CSNK2A2IP: variants seen among roughly 807,000 people sequenced by gnomAD.
CSNK2A2IP encodes casein kinase 2 subunit alpha' interacting protein.
At chr3:88,380,842 A>G in the CSNK2A2IP span, among the ~76,000 whole-genome samples, 3 of 152,234 alleles carry the variant, frequency 2.0e-5, no homozygotes, top group East Asian at 5.8e-4. Flanking sequence ...TAGGAGGCAA[A>G]TCATTCATAG....
At chr3:88,409,569 A>G in the CSNK2A2IP span, among the ~76,000 whole-genome samples, 1 of 151,756 alleles carries the variant, frequency 6.6e-6, no homozygotes. Context: ...GAATCAAATT[A>G]TAGAGAGTGA....
At chr3:88,397,157 C>A in the CSNK2A2IP span, among the ~76,000 whole-genome samples, 5 of 152,098 alleles carry the variant, frequency 3.3e-5, no homozygotes, top group Non-Finnish European at 7.4e-5. Context: ...CAGGTGAAAT[C>A]TTAGGTGAAG....
the CSNK2A2IP span, among the ~76,000 whole-genome samples, chr3:88,457,356 C>CT: frequency 3.1e-3 from 462 of 151,090 alleles, 1 homozygote; most frequent in African/African-American, 0.01. Flanking sequence ...TTTGGCTTAC[C>CT]TTTTTTTTTA....
At chr3:88,449,869 A>C in the CSNK2A2IP span, among the ~76,000 whole-genome samples, 1 of 124,426 alleles carries the variant, frequency 8.0e-6, no homozygotes. Flanking sequence ...ATATATATAT[A>C]TATATAGAGA....
the CSNK2A2IP span, among the ~76,000 whole-genome samples, chr3:88,372,982 G>A: frequency 6.6e-6 from 1 of 151,340 alleles, no homozygotes; most frequent in African/African-American, 2.4e-5. Flanking sequence ...CAAAATACTT[G>A]AAGAAAAACT....
chr3:88,353,986 G>T, the CSNK2A2IP span, among the ~76,000 whole-genome samples: 1 of 152,144 alleles, frequency 6.6e-6, no homozygotes, highest in Non-Finnish European at 1.5e-5. Context: ...AGTCCTTGTA[G>T]AAATGAGTGA....
the CSNK2A2IP span, among the ~76,000 whole-genome samples, chr3:88,383,453 A>G: frequency 1.3e-5 from 2 of 152,208 alleles, no homozygotes; most frequent in Admixed American, 6.5e-5. Context: ...CATAAAATAC[A>G]TAGCACAATG....
chr3:88,461,013 G>A, the CSNK2A2IP span, among the ~76,000 whole-genome samples: 201 of 151,916 alleles, frequency 1.3e-3, no homozygotes, highest in Non-Finnish European at 2.2e-3. Context: ...CTGGAACCCA[G>A]GTGGCAGAGG....
the CSNK2A2IP span, among the ~76,000 whole-genome samples, chr3:88,341,786 G>T: frequency 6.6e-6 from 1 of 151,796 alleles, no homozygotes; most frequent in African/African-American, 2.4e-5. Context: ...GAATCTGAAG[G>T]GAATTCATTT....
the CSNK2A2IP span, among the ~76,000 whole-genome samples, chr3:88,370,940 G>A: frequency 6.6e-6 from 1 of 151,674 alleles, no homozygotes; most frequent in Non-Finnish European, 1.5e-5. Flanking sequence ...AAGGCCAGGT[G>A]AGAACATAAT....
the CSNK2A2IP span, among the ~76,000 whole-genome samples, chr3:88,383,104 T>C: frequency 6.6e-6 from 1 of 152,138 alleles, no homozygotes; most frequent in Non-Finnish European, 1.5e-5. Flanking sequence ...CTTATTTTTT[T>C]TTGTCTTTGT....
At chr3:88,355,900 G>A in the CSNK2A2IP span, among the ~76,000 whole-genome samples, 1 of 152,126 alleles carries the variant, frequency 6.6e-6, no homozygotes, top group East Asian at 1.9e-4. Context: ...TGTATATTAT[G>A]TTGCTTGAAA....
At chr3:88,427,706 G>A in the CSNK2A2IP span, among the ~76,000 whole-genome samples, 1 of 152,176 alleles carries the variant, frequency 6.6e-6, no homozygotes, top group African/African-American at 2.4e-5. Context: ...TATTGGGCCT[G>A]TGGGTGCATG....
the CSNK2A2IP span, among the ~76,000 whole-genome samples, chr3:88,348,979 C>A: frequency 6.6e-6 from 1 of 151,912 alleles, no homozygotes; most frequent in African/African-American, 2.4e-5. Context: ...TTGAGATACT[C>A]TTTTTGCTTC....
the CSNK2A2IP span, among the ~76,000 whole-genome samples, chr3:88,412,363 TG>T: frequency 6.6e-6 from 1 of 151,950 alleles, no homozygotes; most frequent in African/African-American, 2.4e-5. Flanking sequence ...TGGATAGCAT[TG>T]GGATCATTCT....
At chr3:88,387,118 T>C in the CSNK2A2IP span, among the ~76,000 whole-genome samples, 1 of 151,982 alleles carries the variant, frequency 6.6e-6, no homozygotes, top group Non-Finnish European at 1.5e-5. Context: ...ATTTCAGCAT[T>C]GCAACAACCA....
chr3:88,381,477 T>C, the CSNK2A2IP span, among the ~76,000 whole-genome samples: 15 of 152,172 alleles, frequency 9.9e-5, no homozygotes, highest in Non-Finnish European at 2.1e-4. Flanking sequence ...CTATTACTGT[T>C]ACTGTTGGAG....
At chr3:88,384,817 T>C in the CSNK2A2IP span, among the ~76,000 whole-genome samples, 1 of 152,040 alleles carries the variant, frequency 6.6e-6, no homozygotes, top group Non-Finnish European at 1.5e-5. Flanking sequence ...GATTGGTATA[T>C]ATTTGGGGGT....
At chr3:88,358,412 G>T in the CSNK2A2IP span, among the ~76,000 whole-genome samples, 2 of 152,084 alleles carry the variant, frequency 1.3e-5, no homozygotes, top group Admixed American at 1.3e-4. Context: ...CCTTGTTCCG[G>T]ATCTTAAACT....
Sources: gnomAD v4.1 joint callset for allele counts (sites outside exome capture counted in the v4.1 genomes callset) on GRCh38, gnomAD v4.1.1 for gene constraint, MANE v1.5 for transcripts, NCBI Gene and HGNC (gene_info 2026-07-23, HGNC 2026-07-21) for gene names.